The following LRP1B variants were observed in gnomAD, a reference collection of about 807,000 sequenced individuals.
LRP1B encodes LDL receptor related protein 1B.
Under a neutral mutation model 556.6 loss-of-function variants are expected in LRP1B, and 217 were observed. The ratio of observed to expected loss-of-function variants is 0.39; its 90% CI spans 0.35 to 0.44. The LOEUF (loss-of-function observed/expected upper bound fraction) is 0.44. Ranked by LOEUF, LRP1B falls within the 20% of genes least tolerant of loss-of-function variation. LRP1B has a pLI of 1.00. For synonymous variants in LRP1B, 2,047 were observed against 1,865.8 expected (o/e 1.10, Z -2.50); for missense variants, 5,053 against 5,620.8 (o/e 0.90, Z 3.23).
intron 3 of LRP1B, among the ~76,000 whole-genome samples, chr2:141,476,994 A>T (rs1480925102): frequency 1.3e-5 from 2 of 152,082 alleles, no homozygotes; most frequent in Non-Finnish European, 2.9e-5. Flanking sequence ...GTGTTGGCGC[A>T]TGCCTGTAAT....
intron 5 of LRP1B, among the ~76,000 whole-genome samples, chr2:141,246,188 A>T (rs1684063854): frequency 6.6e-6 from 1 of 152,228 alleles, no homozygotes; most frequent in Non-Finnish European, 1.5e-5. Context: ...ATACCATGAA[A>T]TAGAATGGAT....
intron 1 of LRP1B, among the ~76,000 whole-genome samples, chr2:141,819,886 A>T (rs564587119): frequency 1.3e-4 from 20 of 152,292 alleles, no homozygotes; most frequent in African/African-American, 4.1e-4. Flanking sequence ...TATGTCAAAA[A>T]TATAACAAAG....
intron 1 of LRP1B, among the ~76,000 whole-genome samples, chr2:141,992,597 TG>T (rs1283719238): frequency 6.6e-6 from 1 of 152,268 alleles, no homozygotes; most frequent in Middle Eastern, 3.4e-3. Context: ...GAAACATCTG[TG>T]TGTGTCACAT....
intron 31 of LRP1B, among the ~76,000 whole-genome samples, chr2:140,828,045 TAC>T (rs1380542530): frequency 2.6e-5 from 4 of 151,694 alleles, no homozygotes; most frequent in African/African-American, 7.3e-5. Flanking sequence ...GAAAGAGAAA[TAC>T]AGTCTTTCCC....
At chr2:140,747,351 C>G (rs1441451) in intron 35 of LRP1B, among the ~76,000 whole-genome samples, 5 of 152,292 alleles carry the variant, frequency 3.3e-5, no homozygotes, top group African/African-American at 1.2e-4. Context: ...TTCTATGCAG[C>G]CTCTCTGCAT....
chr2:140,357,743 T>C (rs751448702), intron 74 of LRP1B, among the ~76,000 whole-genome samples: 11 of 151,676 alleles, frequency 7.3e-5, no homozygotes, highest in Non-Finnish European at 1.6e-4. Context: ...TATTTGAATA[T>C]TGATTTCTCA....
At chr2:140,658,893 A>G (rs1684984258) in intron 41 of LRP1B, among the ~76,000 whole-genome samples, 1 of 151,930 alleles carries the variant, frequency 6.6e-6, no homozygotes, top group African/African-American at 2.4e-5. Flanking sequence ...TGAGCTGAAA[A>G]TTTGTCAGAT....
intron 3 of LRP1B, among the ~76,000 whole-genome samples, chr2:141,271,518 C>T (rs987389469): frequency 6.6e-6 from 1 of 151,060 alleles, no homozygotes; most frequent in Non-Finnish European, 1.5e-5. Flanking sequence ...CAAAGAAGTC[C>T]CAATATGAAT....
chr2:141,075,261 G>A (rs953675273), intron 7 of LRP1B, among the ~76,000 whole-genome samples: 5 of 152,162 alleles, frequency 3.3e-5, no homozygotes, highest in African/African-American at 1.2e-4. Flanking sequence ...ATAATTTGGA[G>A]TCTGAGTCAG....
chr2:140,862,241 G>A (rs545606129), intron 27 of LRP1B, among the ~76,000 whole-genome samples: 63 of 152,114 alleles, frequency 4.1e-4, no homozygotes, highest in Middle Eastern at 3.4e-3. Context: ...AATACTGGCC[G>A]GTGAGCAACT....
intron 2 of LRP1B, among the ~76,000 whole-genome samples, chr2:141,777,380 T>C (rs899252724): frequency 4.6e-5 from 7 of 152,146 alleles, no homozygotes; most frequent in African/African-American, 9.7e-5. Context: ...TTATAAAAGG[T>C]GAATCTGCAA....
chr2:140,495,733 C>T lies in LRP1B; in HGVS notation c.8866G>A (p.Gly2956Arg), dbSNP rs1470367977. The T allele has an allele frequency of 6.2e-7, 1 of 1,607,556 alleles. No individual in the cohort carries two copies. ...PVSYKCKCWP[G>R]FQLKDDGKTC... ...TTGCCGTCATCCTTCAGTTGGAATC[C>T]AGGCCAGCATTTGCACTGGGAAAAG... is the stretch of plus-strand genomic sequence containing the variant. Residue 2956 changes from glycine (G) to arginine (R), a missense_variant, in exon 56 of 91, where the codon GGA becomes AGA. Coordinates refer to ENST00000389484, the MANE Select transcript of LRP1B (RefSeq NM_018557.3).
Position 141,996,717 on chromosome 2 carries a change from C to CA in LRP1B, c.82+133930_82+133931insT, listed in dbSNP as rs939418641. 3.0e-4 allele frequency among the ~76,000 whole-genome samples: 45 copies of CA among 148,710 alleles called. No individual in the cohort carries two copies. The South Asian group carries it at 8.1e-3, about 27-fold the overall frequency. ...CCTGTATTTAAATTTTTTCTTTCCC[C>CA]CCCCCTACAAACTAGTGACACAAAG... On this transcript the variant is annotated intron_variant, in intron 1 of 90. Coordinates refer to ENST00000389484, the MANE Select transcript of LRP1B (RefSeq NM_018557.3).
chr2:140,535,268 C>T (rs932860571), intron 46 of LRP1B, among the ~76,000 whole-genome samples: 4 of 152,076 alleles, frequency 2.6e-5, no homozygotes, highest in African/African-American at 4.8e-5. Context: ...AATCTCAAGT[C>T]AACTTATAGT....
intron 31 of LRP1B, among the ~76,000 whole-genome samples, chr2:140,817,576 T>G (rs975237813): frequency 1.3e-5 from 2 of 151,876 alleles, no homozygotes; most frequent in African/African-American, 4.8e-5. Context: ...AATAGAAATA[T>G]TCTACATATT....
chr2:141,439,895 T>C (rs1680898060), intron 3 of LRP1B, among the ~76,000 whole-genome samples: 1 of 152,300 alleles, frequency 6.6e-6, no homozygotes, highest in South Asian at 2.1e-4. Context: ...TGTGTCCACA[T>C]AGTGTCCAAA....
intron 55 of LRP1B, among the ~76,000 whole-genome samples, chr2:140,497,108 A>G (rs1285888851): frequency 3.3e-5 from 5 of 151,986 alleles, no homozygotes; most frequent in African/African-American, 1.2e-4. Context: ...ATTTCATCTG[A>G]AATTAATTAA....
intron 2 of LRP1B, among the ~76,000 whole-genome samples, chr2:141,776,725 C>G (rs1042838579): frequency 6.9e-4 from 105 of 152,076 alleles, no homozygotes; most frequent in African/African-American, 2.5e-3. Context: ...TAAACAGTAT[C>G]TAGAGGGATG....
intron 66 of LRP1B, among the ~76,000 whole-genome samples, chr2:140,418,640 C>A (rs1685301117): frequency 6.6e-6 from 1 of 151,418 alleles, no homozygotes; most frequent in South Asian, 2.1e-4. Flanking sequence ...TGGATATAAG[C>A]AACACACTTT....
Sources: gnomAD v4.1 joint callset for allele counts (sites outside exome capture counted in the v4.1 genomes callset) on GRCh38, gnomAD v4.1.1 for gene constraint, MANE v1.5 for transcripts, NCBI Gene and HGNC (gene_info 2026-07-23, HGNC 2026-07-21) for gene names.